The following USP15 variants were observed in gnomAD, a reference collection of about 807,000 sequenced individuals.
USP15 encodes ubiquitin carboxyl-terminal hydrolase 15.
A neutral mutation model predicts 127.1 loss-of-function variants in USP15; 18 were observed. That is an observed-to-expected ratio of 0.14 (90% CI 0.10 to 0.21). USP15 has a LOEUF of 0.21. Ranked by LOEUF, USP15 falls within the 10% of genes least tolerant of loss-of-function variation. The pLI, the probability that USP15 is intolerant of heterozygous loss-of-function variation, is 1.00. For missense variants in USP15, 805 were observed against 1,159.9 expected, an observed-to-expected ratio of 0.69 and a Z score of 4.44; for synonymous variants, 364 against 393.7, an observed-to-expected ratio of 0.92 and a Z score of 0.89.
intron 3 of USP15, among the ~76,000 whole-genome samples, chr12:62,313,483 C>G (rs941343668): frequency 3.3e-5 from 5 of 151,586 alleles, no homozygotes; most frequent in African/African-American, 1.2e-4. Flanking sequence ...TTAGTAGCTA[C>G]TTTAATGTAG....
chr12:62,391,003 A>G, intron 15 of USP15, 24 bp downstream of exon 15: 1 of 1,591,834 alleles, frequency 6.3e-7, no homozygotes, highest in Non-Finnish European at 8.6e-7. Flanking sequence ...GTTAAATTGT[A>G]CAAATGTTTC....
chr12:62,370,136 G>A (rs1306817208), intron 8 of USP15, among the ~76,000 whole-genome samples: 14 of 151,980 alleles, frequency 9.2e-5, no homozygotes, highest in Admixed American at 6.6e-5. Context: ...CACCACTCCC[G>A]GCTAATATTT....
chr12:62,315,502 A>C (rs1328937298), intron 4 of USP15, among the ~76,000 whole-genome samples: 1 of 152,094 alleles, frequency 6.6e-6, no homozygotes, highest in African/African-American at 2.4e-5. Context: ...AATGTTTTTT[A>C]AAATAAATGA....
chr12:62,406,099 A>T lies in USP15; in HGVS notation c.*1724A>T, dbSNP rs1267457580. ...TGCATGTTTATTTATATAGATTTCAATAAAGCTATTCAAGGCCTTATTTAG... is the reference window on the plus strand; with the variant it reads ...TGCATGTTTATTTATATAGATTTCATTAAAGCTATTCAAGGCCTTATTTAG... On this transcript the variant is annotated 3_prime_UTR_variant, in exon 22 of 22. Coordinates refer to ENST00000280377, the MANE Select transcript of USP15 (RefSeq NM_001252078.2). The T allele has an allele frequency of 6.6e-6, 1 of 152,104 alleles. No individual in the cohort carries two copies. The highest frequency in any genetic ancestry group is 1.5e-5 in the Non-Finnish European group (1 of 67,982). The allele number at this position is 152,104 out of a possible 1,614,324, so 9.4% of individuals were successfully genotyped here.
chr12:62,310,929 G>A (rs1476686266), intron 3 of USP15, among the ~76,000 whole-genome samples: 1 of 151,820 alleles, frequency 6.6e-6, no homozygotes, highest in East Asian at 1.9e-4. Context: ...TTATGGCTTG[G>A]TTAAGGTGAT....
Position 62,401,251 on chromosome 12 carries a change from C to T in USP15, c.2739C>T (p.Ser913=). ...ACTATTTTGATGACAGTAGTGTCTC[C>T]ACTGCATCTGAAGACCAAATTGTGG... ...KWYYFDDSSV[S]TASEDQIVSK... The change falls in exon 21 of 22, where the codon TCC becomes TCT. Residue 913 remains serine (S), a synonymous_variant. Coordinates refer to ENST00000280377, the MANE Select transcript of USP15 (RefSeq NM_001252078.2). 1 of 1,611,866 alleles carries T rather than the reference C, an allele frequency of 6.2e-7. No homozygotes were observed. The highest frequency in any genetic ancestry group is 8.5e-7 in the Non-Finnish European group (1 of 1,178,778).
intron 8 of USP15, among the ~76,000 whole-genome samples, chr12:62,376,066 T>C (rs905398166): frequency 2.6e-5 from 4 of 152,086 alleles, no homozygotes; most frequent in East Asian, 1.9e-4. Context: ...TCCTAAACTT[T>C]CCAACCAGTC....
intron 1 of USP15, among the ~76,000 whole-genome samples, chr12:62,272,144 A>G (rs558545587): frequency 1.3e-5 from 2 of 151,984 alleles, no homozygotes; most frequent in African/African-American, 4.8e-5. Flanking sequence ...GTTTTATGCT[A>G]TCACTACTCA....
chr12:62,339,821 A>G (rs2065593046), intron 6 of USP15, among the ~76,000 whole-genome samples: 1 of 152,246 alleles, frequency 6.6e-6, no homozygotes, highest in South Asian at 2.1e-4. Flanking sequence ...ATCAATGTGC[A>G]TCAGGGATAT....
chr12:62,348,175 C>G (rs867353025), intron 6 of USP15, among the ~76,000 whole-genome samples: 51 of 151,878 alleles, frequency 3.4e-4, no homozygotes, highest in Middle Eastern at 3.4e-3. Context: ...GTCACTGCCC[C>G]CCAGCCTGGG....
rs2068076000 is a variant in USP15, at chr12:62,413,115, G to A, written c.*8740G>A. 6.6e-6 allele frequency: 1 copy of A among 152,172 alleles called. No homozygotes were observed. Among genetic ancestry groups the A allele is most frequent in the Non-Finnish European group, 1.5e-5 (1 of 68,028 alleles). The allele number at this position is 152,172 out of a possible 1,614,324, so 9.4% of individuals were successfully genotyped here. A position where few individuals can be genotyped will look rare whatever the true frequency, so the allele number is the denominator to read the frequency against. On this transcript the variant is annotated 3_prime_UTR_variant, in exon 22 of 22. Coordinates refer to ENST00000280377, the MANE Select transcript of USP15 (RefSeq NM_001252078.2). ...CTCCATAGAGCTCTTGGGTGACCAG[G>A]TGCACTTGTCAATGAGCAGTAATAT...
chr12:62,357,156 A>G (rs1192445817), intron 8 of USP15, among the ~76,000 whole-genome samples: 1 of 152,088 alleles, frequency 6.6e-6, no homozygotes, highest in Non-Finnish European at 1.5e-5. Flanking sequence ...GGAGAGCACA[A>G]GAGTTTGTGT....
At chr12:62,293,307 T>C (rs566044556) in intron 1 of USP15, among the ~76,000 whole-genome samples, 1 of 152,292 alleles carries the variant, frequency 6.6e-6, no homozygotes, top group African/African-American at 2.4e-5. Flanking sequence ...GATTTTTGTG[T>C]ACTAGTATTC....
chr12:62,331,857 A>C (rs1445199846), intron 6 of USP15, among the ~76,000 whole-genome samples: 1 of 152,182 alleles, frequency 6.6e-6, no homozygotes, highest in Non-Finnish European at 1.5e-5. Flanking sequence ...GAACCTACCC[A>C]AAAAATACTC....
chr12:62,278,640 A>G (rs2063561010), intron 1 of USP15: 1 of 152,196 alleles, frequency 6.6e-6, no homozygotes, highest in South Asian at 2.1e-4. Context: ...TATGCAGTGC[A>G]TGACTGTATA....
chr12:62,393,494 A>G (rs1209930659), intron 19 of USP15: 7 of 231,214 alleles, frequency 3.0e-5, no homozygotes. Context: ...TTATAAATCT[A>G]AGATACTTTA....
intron 2 of USP15, among the ~76,000 whole-genome samples, chr12:62,301,720 AC>A (rs1565833750): frequency 6.6e-6 from 1 of 152,186 alleles, no homozygotes; most frequent in Non-Finnish European, 1.5e-5. Flanking sequence ...AGAATAAGTA[AC>A]ATTCTCTTAA....
intron 8 of USP15, among the ~76,000 whole-genome samples, chr12:62,364,203 A>G (rs1468010136): frequency 6.6e-6 from 1 of 152,182 alleles, no homozygotes; most frequent in Non-Finnish European, 1.5e-5. Context: ...CGTTTGCAAT[A>G]GGAGGAAAGA....
At chr12:62,308,562 A>G (rs904345923) in intron 3 of USP15, among the ~76,000 whole-genome samples, 2 of 152,036 alleles carry the variant, frequency 1.3e-5, no homozygotes, top group South Asian at 2.1e-4. Context: ...AACTTACCCT[A>G]TAGAGAGACT....
Sources: allele counts gnomAD v4.1 joint callset (sites outside exome capture counted in the v4.1 genomes callset), GRCh38; gene constraint gnomAD v4.1.1; transcripts MANE v1.5; gene names NCBI Gene and HGNC (gene_info 2026-07-23, HGNC 2026-07-21).